PCCA: variants seen among roughly 807,000 people sequenced by gnomAD.
PCCA encodes propionyl-CoA carboxylase subunit alpha.
PCCA carries 74 observed loss-of-function variants against 101.3 expected under a neutral mutation model. The observed-to-expected ratio is 0.73, with a 90% CI of 0.61 to 0.89. The LOEUF (loss-of-function observed/expected upper bound fraction) is 0.89, where lower values mean the gene tolerates loss of function less well. PCCA is among the 40% of genes least tolerant of loss of function. The pLI is 0.00. For missense variants in PCCA, 891 were observed against 907.0 expected (o/e 0.98, Z 0.23); for synonymous variants, 294 against 313.6 (o/e 0.94, Z 0.66).
chr13:100,472,852 A>G (rs1050016057), intron 21 of PCCA, among the ~76,000 whole-genome samples: 1 of 151,388 alleles, frequency 6.6e-6, no homozygotes, highest in African/African-American at 2.4e-5. Context: ...GTCCCTGGAA[A>G]ATGTTAAAGT....
intron 18 of PCCA, among the ~76,000 whole-genome samples, chr13:100,360,429 A>G (rs1012203939): frequency 6.6e-6 from 1 of 152,012 alleles, no homozygotes; most frequent in Non-Finnish European, 1.5e-5. Flanking sequence ...ACCACACAGG[A>G]AAGTTAGAGA....
At chr13:100,142,475 CTT>C (rs772422421) in intron 4 of PCCA, among the ~76,000 whole-genome samples, 22 of 136,236 alleles carry the variant, frequency 1.6e-4, no homozygotes, top group South Asian at 2.3e-4. Context: ...AATGAGCCTT[CTT>C]TTTTTTTTTT....
chr13:100,245,853 G>A (rs982286750), intron 8 of PCCA, among the ~76,000 whole-genome samples: 4 of 152,176 alleles, frequency 2.6e-5, no homozygotes, highest in Non-Finnish European at 5.9e-5. Context: ...ATCATAGCTT[G>A]TAATCCCTTG....
intron 18 of PCCA, among the ~76,000 whole-genome samples, chr13:100,341,090 G>T (rs2071238552): frequency 6.6e-6 from 1 of 152,172 alleles, no homozygotes; most frequent in Non-Finnish European, 1.5e-5. Context: ...TCTCAGTGTA[G>T]TTGGTACTCT....
chr13:100,405,723 T>A (rs1262035496), intron 19 of PCCA, among the ~76,000 whole-genome samples: 1 of 150,240 alleles, frequency 6.7e-6, no homozygotes, highest in African/African-American at 2.4e-5. Flanking sequence ...CCTTTTAAGG[T>A]CCCAAGCTAA....
chr13:100,263,866 A>ATGTCATAGATACAG (rs2062708192), intron 10 of PCCA, among the ~76,000 whole-genome samples: 1 of 148,342 alleles, frequency 6.7e-6, no homozygotes, highest in African/African-American at 2.5e-5. Context: ...TGGTATCTGT[A>ATGTCATAGATACAG]TATCGTATAT....
intron 6 of PCCA, among the ~76,000 whole-genome samples, chr13:100,205,978 G>A (rs548552508): frequency 3.9e-5 from 6 of 152,178 alleles, no homozygotes; most frequent in African/African-American, 1.4e-4. Flanking sequence ...AGTTGATAGA[G>A]GTGTAGGCTT....
At chr13:100,392,932 CAA>C (rs1414885889) in intron 19 of PCCA, among the ~76,000 whole-genome samples, 2 of 152,070 alleles carry the variant, frequency 1.3e-5, no homozygotes, top group Non-Finnish European at 2.9e-5. Flanking sequence ...CAGGGAAGGT[CAA>C]GTGACTCACC....
At chr13:100,404,662 C>A (rs557831350) in intron 19 of PCCA, among the ~76,000 whole-genome samples, 24 of 152,264 alleles carry the variant, frequency 1.6e-4, no homozygotes, top group Non-Finnish European at 3.5e-4. Flanking sequence ...ATCCTTGCAT[C>A]CCTGAATCCC....
intron 19 of PCCA, among the ~76,000 whole-genome samples, chr13:100,407,526 C>T (rs993929460): frequency 6.6e-6 from 1 of 152,128 alleles, no homozygotes; most frequent in Non-Finnish European, 1.5e-5. Context: ...AGCAGATTAG[C>T]GCCTTACAAA....
chr13:100,478,489 C>T (rs914908621), intron 21 of PCCA, among the ~76,000 whole-genome samples: 2 of 152,182 alleles, frequency 1.3e-5, no homozygotes, highest in Admixed American at 6.5e-5. Context: ...GGGAGGTCCC[C>T]GACTGAGAGG....
intron 8 of PCCA, 85 bp downstream of exon 8, chr13:100,235,963 G>A: frequency 1.2e-6 from 1 of 854,374 alleles, no homozygotes; most frequent in South Asian, 1.3e-5. Flanking sequence ...AATTCCCATA[G>A]AGCAAATAAT....
chr13:100,529,063 T>C (rs2088135942), intron 23 of PCCA, among the ~76,000 whole-genome samples: 1 of 152,172 alleles, frequency 6.6e-6, no homozygotes, highest in Admixed American at 6.5e-5. Flanking sequence ...GCCCTCCTAG[T>C]TGGAGTCTTC....
At chr13:100,399,128 AAG>A (rs1258460135) in intron 19 of PCCA, among the ~76,000 whole-genome samples, 1 of 152,146 alleles carries the variant, frequency 6.6e-6, no homozygotes, top group Non-Finnish European at 1.5e-5. Context: ...TAGAGTATAA[AAG>A]AGAAACTTTA....
intron 10 of PCCA, among the ~76,000 whole-genome samples, chr13:100,266,589 A>G (rs2062951261): frequency 6.6e-6 from 1 of 152,220 alleles, no homozygotes; most frequent in African/African-American, 2.4e-5. Flanking sequence ...CCCTAAATGC[A>G]GGCACCGTTA....
chr13:100,129,956 T>C (rs1480867265), intron 4 of PCCA, among the ~76,000 whole-genome samples: 1 of 152,226 alleles, frequency 6.6e-6, no homozygotes, highest in Non-Finnish European at 1.5e-5. Flanking sequence ...TATTTCTGCT[T>C]ACCTGTTTTC....
In PCCA at chr13:100,144,242, T is replaced by C. The variant is rs185238465; in HGVS notation, c.301-10737T>C. ...GCTGCTATTTGTAATACTCATCTGATAGTTTTTGGTAAGAAACTAAACAGC... is the reference window on the plus strand; with the variant it reads ...GCTGCTATTTGTAATACTCATCTGACAGTTTTTGGTAAGAAACTAAACAGC... On this transcript the variant is annotated intron_variant, in intron 4 of 23. Transcript: ENST00000376285. Among the ~76,000 whole-genome samples, 69 of 152,312 alleles carry C rather than the reference T, an allele frequency of 4.5e-4. 1 individual carries two copies. Among genetic ancestry groups the C allele is most frequent in the Non-Finnish European group, 1.3e-4 (9 of 68,014 alleles).
At chr13:100,409,316 A>G (rs1260063599) in intron 19 of PCCA, among the ~76,000 whole-genome samples, 1 of 152,174 alleles carries the variant, frequency 6.6e-6, no homozygotes, top group Admixed American at 6.5e-5. Context: ...TTGGGCGCCA[A>G]AAATGGTTCC....
intron 16 of PCCA, among the ~76,000 whole-genome samples, chr13:100,316,289 A>C (rs1342970640): frequency 6.6e-6 from 1 of 152,230 alleles, no homozygotes; most frequent in Non-Finnish European, 1.5e-5. Context: ...TTTTGTTTTT[A>C]AAATATCATT....
Sources: allele counts gnomAD v4.1 joint callset (sites outside exome capture counted in the v4.1 genomes callset), GRCh38; gene constraint gnomAD v4.1.1; transcripts MANE v1.5; gene names NCBI Gene and HGNC (gene_info 2026-07-23, HGNC 2026-07-21).